NTNG1: variants seen among roughly 807,000 people sequenced by gnomAD.
NTNG1 encodes netrin-G1.
A neutral mutation model predicts 54.0 loss-of-function variants in NTNG1; 16 were observed. The ratio of observed to expected loss-of-function variants is 0.30; its 90% CI spans 0.20 to 0.45. NTNG1 has a LOEUF of 0.45. NTNG1 is among the 20% of genes least tolerant of loss of function. The probability of loss-of-function intolerance (pLI) is 1.00; values close to 1 mark genes in which losing one functional copy is unlikely to be tolerated. For missense variants in NTNG1, 530 were observed against 678.7 expected (o/e 0.78, Z 2.43); for synonymous variants, 255 against 263.1 (o/e 0.97, Z 0.30).
intron 2 of NTNG1, among the ~76,000 whole-genome samples, chr1:107,201,524 C>G (rs547101339): frequency 6.6e-6 from 1 of 151,784 alleles, no homozygotes; most frequent in African/African-American, 2.4e-5. Context: ...GAAAAGATTG[C>G]CAAAGATGTT....
At chr1:107,303,222 C>T (rs1666432690) in intron 2 of NTNG1, among the ~76,000 whole-genome samples, 1 of 152,162 alleles carries the variant, frequency 6.6e-6, no homozygotes, top group African/African-American at 2.4e-5. Flanking sequence ...GCATTCAGGA[C>T]AAGCAGGTTT....
At chr1:107,193,125 G>T (rs1228641353) in intron 2 of NTNG1, among the ~76,000 whole-genome samples, 1 of 152,000 alleles carries the variant, frequency 6.6e-6, no homozygotes, top group African/African-American at 2.4e-5. Flanking sequence ...TGCTCTCATT[G>T]TCTTCTCTCC....
At chr1:107,353,759 A>C (rs1013124422) in intron 3 of NTNG1, among the ~76,000 whole-genome samples, 2 of 152,198 alleles carry the variant, frequency 1.3e-5, no homozygotes, top group Non-Finnish European at 2.9e-5. Context: ...TACTTCATAA[A>C]GAAAAGAGAT....
At chr1:107,153,639 C>T (rs1654756154) in intron 2 of NTNG1, among the ~76,000 whole-genome samples, 1 of 152,224 alleles carries the variant, frequency 6.6e-6, no homozygotes, top group Non-Finnish European at 1.5e-5. Context: ...TCATATACCA[C>T]TATATCAAGT....
rs151217730 is a variant in NTNG1, at chr1:107,388,122, C to G, written c.888-7032C>G. Among the ~76,000 whole-genome samples the G allele has an allele frequency of 3.5e-3, 536 of 152,266 alleles. 6 individuals carry two copies. The highest frequency in any genetic ancestry group is 5.2e-3 in the Non-Finnish European group (351 of 68,022). On this transcript the variant is annotated intron_variant, in intron 3 of 7. Transcript: ENST00000370068. ...ATTGCCTTCTGTTTGAATCCCTATGCGACCTCTCATGGTGTATCCATAGAC... is the reference window on the plus strand; with the variant it reads ...ATTGCCTTCTGTTTGAATCCCTATGGGACCTCTCATGGTGTATCCATAGAC...
chr1:107,168,499 G>A (rs1467747987), intron 2 of NTNG1, among the ~76,000 whole-genome samples: 1 of 151,964 alleles, frequency 6.6e-6, no homozygotes, highest in Non-Finnish European at 1.5e-5. Context: ...CTATGCCCCT[G>A]TCTACAACTG....
intron 2 of NTNG1, among the ~76,000 whole-genome samples, chr1:107,278,785 C>T (rs1664650564): frequency 1.3e-5 from 2 of 151,962 alleles, no homozygotes; most frequent in Admixed American, 6.6e-5. Context: ...TGATTATTTT[C>T]GTAACTTAAA....
At chr1:107,305,224 T>C (rs191510299) in intron 2 of NTNG1, among the ~76,000 whole-genome samples, 11 of 152,334 alleles carry the variant, frequency 7.2e-5, no homozygotes, top group African/African-American at 2.6e-4. Flanking sequence ...TATAGTAGAA[T>C]GATTTATAAT....
At chr1:107,288,225 A>G (rs1459005399) in intron 2 of NTNG1, among the ~76,000 whole-genome samples, 1 of 152,206 alleles carries the variant, frequency 6.6e-6, no homozygotes, top group African/African-American at 2.4e-5. Context: ...AATGATTTCA[A>G]AAATGTGAAC....
intron 2 of NTNG1, among the ~76,000 whole-genome samples, chr1:107,313,384 T>C (rs1297466862): frequency 6.6e-6 from 1 of 151,832 alleles, no homozygotes; most frequent in East Asian, 1.9e-4. Context: ...AAAAGTTAAC[T>C]TTTCAGTATG....
At chr1:107,231,311 T>C (rs1661050766) in intron 2 of NTNG1, among the ~76,000 whole-genome samples, 1 of 152,178 alleles carries the variant, frequency 6.6e-6, no homozygotes, top group Non-Finnish European at 1.5e-5. Flanking sequence ...TTCTCAGTAC[T>C]GGATGTAGCC....
intron 4 of NTNG1, among the ~76,000 whole-genome samples, chr1:107,401,998 C>G (rs1239616938): frequency 2.0e-5 from 3 of 152,148 alleles, no homozygotes; most frequent in Non-Finnish European, 4.4e-5. Context: ...TTACCTGCTA[C>G]AGTCATTATC....
intron 2 of NTNG1, among the ~76,000 whole-genome samples, chr1:107,163,246 T>C (rs1655539725): frequency 6.6e-6 from 1 of 152,218 alleles, no homozygotes; most frequent in African/African-American, 2.4e-5. Context: ...CATGGGGAAG[T>C]GCATACCTTT....
intron 2 of NTNG1, among the ~76,000 whole-genome samples, chr1:107,181,363 G>C (rs1657048168): frequency 6.6e-6 from 1 of 152,146 alleles, no homozygotes; most frequent in Non-Finnish European, 1.5e-5. Context: ...TTGCATAAAA[G>C]AGGGTTTGTT....
At chr1:107,155,655 C>T (rs560368581) in intron 2 of NTNG1, among the ~76,000 whole-genome samples, 1 of 152,268 alleles carries the variant, frequency 6.6e-6, no homozygotes, top group Non-Finnish European at 1.5e-5. Flanking sequence ...AGCCACCACA[C>T]TTGCTAATGT....
chr1:107,341,857 C>A lies in NTNG1; in HGVS notation c.887+16935C>A, dbSNP rs543781813. Among the ~76,000 whole-genome samples the A allele has an allele frequency of 1.1e-3, 164 of 152,132 alleles. 1 individual carries two copies. Among genetic ancestry groups the A allele is most frequent in the African/African-American group, 3.8e-3 (158 of 41,524 alleles). On this transcript the variant is annotated intron_variant, in intron 3 of 7. Transcript: ENST00000370068. Reference sequence around the variant, plus strand: ...AAGCTGGTTTTGAAAGACAGCAAAACCCTTGTGTCCTGGGAGGTTAAGAGG... The same window carrying A: ...AAGCTGGTTTTGAAAGACAGCAAAAACCTTGTGTCCTGGGAGGTTAAGAGG...
chr1:107,261,170 C>T (rs1663295122), intron 2 of NTNG1, among the ~76,000 whole-genome samples: 1 of 152,102 alleles, frequency 6.6e-6, no homozygotes, highest in South Asian at 2.1e-4. Context: ...GGTCCTGGGT[C>T]CTGTGCCAGG....
chr1:107,220,818 T>C (rs1344495237), intron 2 of NTNG1, among the ~76,000 whole-genome samples: 1 of 152,202 alleles, frequency 6.6e-6, no homozygotes, highest in Non-Finnish European at 1.5e-5. Context: ...CACTATACCC[T>C]TCCTGTGGAA....
At chr1:107,277,480 C>T (rs2101713155) in intron 2 of NTNG1, among the ~76,000 whole-genome samples, 1 of 152,264 alleles carries the variant, frequency 6.6e-6, no homozygotes, top group South Asian at 2.1e-4. Flanking sequence ...AACCTTAAAA[C>T]CATTTGAAAT....
Sources: allele counts gnomAD v4.1 joint callset (sites outside exome capture counted in the v4.1 genomes callset), GRCh38; gene constraint gnomAD v4.1.1; transcripts MANE v1.5; gene names NCBI Gene and HGNC (gene_info 2026-07-23, HGNC 2026-07-21).